The following CRYBG1 variants were observed in gnomAD, a reference collection of about 807,000 sequenced individuals.
CRYBG1 encodes crystallin beta-gamma domain containing 1, also known as beta/gamma crystallin domain-containing protein 1.
A neutral mutation model predicts 189.2 loss-of-function variants in CRYBG1; 139 were observed. The ratio of observed to expected loss-of-function variants is 0.73; its 90% confidence interval spans 0.64 to 0.85. The LOEUF (loss-of-function observed/expected upper bound fraction) is 0.85, where lower values mean the gene tolerates loss of function less well. Among genes scored for constraint, CRYBG1 ranks in the 40% least tolerant of loss-of-function variants. The pLI, the probability that CRYBG1 is intolerant of heterozygous loss-of-function variation, is 0.00. For missense variants in CRYBG1, 2,611 were observed against 2,675.8 expected (o/e 0.98, Z 0.53); for synonymous variants, 1,023 against 1,017.1 (o/e 1.01, Z -0.11).
intron 1 of CRYBG1, among the ~76,000 whole-genome samples, chr6:106,379,719 T>C (rs1419574069): frequency 6.6e-6 from 1 of 152,070 alleles, no homozygotes; most frequent in Non-Finnish European, 1.5e-5. Context: ...CCACCATGCC[T>C]GGCTACTTTT....
At chr6:106,456,234 A>T (rs1771885633) in intron 2 of CRYBG1, among the ~76,000 whole-genome samples, 2 of 152,026 alleles carry the variant, frequency 1.3e-5, no homozygotes, top group South Asian at 4.2e-4. Context: ...GCTTATTGCA[A>T]CCTCTGCCTC....
chr6:106,567,226 T>C (rs919235159), intron 21 of CRYBG1, among the ~76,000 whole-genome samples: 1 of 147,812 alleles, frequency 6.8e-6, no homozygotes, highest in African/African-American at 2.6e-5. Flanking sequence ...GAAATTTCAG[T>C]GGAGTATGCT....
chr6:106,405,413 C>T (rs1234718417), intron 1 of CRYBG1, among the ~76,000 whole-genome samples: 1 of 152,220 alleles, frequency 6.6e-6, no homozygotes, highest in African/African-American at 2.4e-5. Flanking sequence ...ACTCCCATCT[C>T]CCTGGGACAG....
rs1042646603 is a variant in CRYBG1 at position 106,382,500 on chromosome 6, A to C, written c.173+21419A>C. ...TCCTTCAGTGTCACCAGTTTTGTGA[A>C]AACTCCCTATTGCTTTCTAGGTAAA... is the stretch of plus-strand genomic sequence containing the variant. On this transcript the variant is annotated intron_variant, in intron 1 of 21. Transcript: ENST00000633556. Among the ~76,000 whole-genome samples the C allele has an allele frequency of 2.6e-5, 4 of 152,182 alleles. No individual in the cohort carries two copies. The South Asian group carries it at 8.3e-4, about 31-fold the overall frequency.
At chr6:106,518,975 G>GTGCA (rs1773508868) in intron 3 of CRYBG1, among the ~76,000 whole-genome samples, 156 bp from the exon 4 acceptor site, 13 of 134,288 alleles carry the variant, frequency 9.7e-5, no homozygotes, top group Non-Finnish European at 2.0e-4. Context: ...ACATGTGTGC[G>GTGCA]CACACACACA....
At chr6:106,562,188 C>T (rs568468733) in intron 20 of CRYBG1, among the ~76,000 whole-genome samples, 57 of 152,128 alleles carry the variant, frequency 3.7e-4, no homozygotes, top group African/African-American at 1.3e-3. Flanking sequence ...CACAGCCTTG[C>T]GAAAAGGAGT....
At chr6:106,450,748 A>G (rs1771767307) in intron 1 of CRYBG1, among the ~76,000 whole-genome samples, 1 of 152,228 alleles carries the variant, frequency 6.6e-6, no homozygotes, top group African/African-American at 2.4e-5. Flanking sequence ...CATCACATGC[A>G]GGCATGACAC....
At chr6:106,497,545 G>C (rs1772880269) in intron 2 of CRYBG1, among the ~76,000 whole-genome samples, 1 of 152,172 alleles carries the variant, frequency 6.6e-6, no homozygotes, top group African/African-American at 2.4e-5. Context: ...GTTCATCCCT[G>C]TTCATGTTTA....
At chr6:106,523,660 A>C (rs1017995325) in intron 4 of CRYBG1, among the ~76,000 whole-genome samples, 1 of 151,542 alleles carries the variant, frequency 6.6e-6, no homozygotes, top group Non-Finnish European at 1.5e-5. Flanking sequence ...ATCTACTTCT[A>C]ATGTGTATAT....
Position 106,519,499 on chromosome 6 carries a change from C to T in CRYBG1, c.2291C>T (p.Thr764Ile). The T allele has an allele frequency of 6.2e-7, 1 of 1,614,066 alleles. No homozygotes were observed. Among genetic ancestry groups the T allele is most frequent in the Non-Finnish European group, 8.5e-7 (1 of 1,180,020 alleles). Residue 764 changes from threonine to isoleucine, a missense_variant, in exon 4 of 22, where the codon ACC becomes ATC. Physicochemically the swap from Thr to Ile is moderately conservative, Grantham distance 89. Transcript: ENST00000633556. ...TCGGAAGAAGAGATTCTGCCAGCAA[C>T]CAGAGGAATGAATGGAGACTCTTCT... ...TVSEEEILPATRGMNGDSSEN... is the reference protein window; with the variant it reads ...TVSEEEILPAIRGMNGDSSEN...
intron 1 of CRYBG1, among the ~76,000 whole-genome samples, chr6:106,410,402 A>G (rs571772515): frequency 1.3e-5 from 2 of 152,356 alleles, no homozygotes; most frequent in South Asian, 4.1e-4. Context: ...GTGGAGAAAT[A>G]GGAACACTTT....
intron 1 of CRYBG1, among the ~76,000 whole-genome samples, chr6:106,396,469 T>C (rs1770612700): frequency 6.6e-6 from 1 of 152,162 alleles, no homozygotes; most frequent in African/African-American, 2.4e-5. Flanking sequence ...AATATGTAAT[T>C]TCATTTCCAG....
At chr6:106,517,447 TACACAC>T (rs373231557) in intron 3 of CRYBG1, among the ~76,000 whole-genome samples, 1 of 147,186 alleles carries the variant, frequency 6.8e-6, no homozygotes, top group African/African-American at 2.6e-5. Context: ...CACATATATA[TACACAC>T]ATATATATAT....
At chr6:106,460,573 A>T in intron 2 of CRYBG1, among the ~76,000 whole-genome samples, 1 of 151,774 alleles carries the variant, frequency 6.6e-6, no homozygotes, top group East Asian at 1.9e-4. Flanking sequence ...GAGGGGGAAA[A>T]ATTGTAATGA....
Position 106,519,336 on chromosome 6 carries a change from A to G in CRYBG1, c.2128A>G (p.Thr710Ala). 6.2e-7 allele frequency: 1 copy of G among 1,614,142 alleles called. No homozygotes were observed. Among genetic ancestry groups the G allele is most frequent in the Non-Finnish European group, 8.5e-7 (1 of 1,180,020 alleles). Reference sequence around the variant, plus strand: ...AAGGAATACTCCTGCCTCTAGTAAAACGTTTGTTGGGAGGGCAAAGCTGAA... The same window carrying G: ...AAGGAATACTCCTGCCTCTAGTAAAGCGTTTGTTGGGAGGGCAAAGCTGAA... ...GQRNTPASSK[T>A]FVGRAKLNLA... The change falls in exon 4 of 22, where the codon ACG (threonine) becomes GCG (alanine). Residue 710 changes from threonine to alanine, a missense_variant. Physicochemically the swap from Thr to Ala is moderately conservative, Grantham distance 58. Around this residue, in one of 3 missense-constraint regions of CRYBG1, gnomAD observed 1,622 missense variants for 1,735.0 expected, o/e 0.93. Transcript: ENST00000633556.
At chr6:106,456,287 A>G (rs952211791) in intron 2 of CRYBG1, among the ~76,000 whole-genome samples, 4 of 150,834 alleles carry the variant, frequency 2.7e-5, no homozygotes, top group African/African-American at 9.8e-5. Flanking sequence ...CCTACTAGCT[A>G]GGATAACAGA....
chr6:106,530,937 T>C (rs1021785335), intron 8 of CRYBG1, among the ~76,000 whole-genome samples: 4 of 152,254 alleles, frequency 2.6e-5, no homozygotes, highest in African/African-American at 9.6e-5. Flanking sequence ...AGCTTCTTTC[T>C]ATTTGATTAA....
intron 18 of CRYBG1, 60 bp from the exon 19 acceptor site, chr6:106,560,743 G>T (rs1774693395): frequency 6.4e-7 from 1 of 1,557,058 alleles, no homozygotes; most frequent in South Asian, 1.2e-5. Context: ...AAAAATAAAT[G>T]TAATTGGGGT....
At chr6:106,398,134 C>A (rs1316906049) in intron 1 of CRYBG1, among the ~76,000 whole-genome samples, 4 of 152,068 alleles carry the variant, frequency 2.6e-5, no homozygotes, top group African/African-American at 9.7e-5. Context: ...TAGATTGAAT[C>A]CTTGCCCGTC....
Sources: allele counts gnomAD v4.1 joint callset (sites outside exome capture counted in the v4.1 genomes callset), GRCh38; gene constraint gnomAD v4.1.1; regional missense constraint gnomAD v4.1.1; transcripts MANE v1.5; gene names NCBI Gene and HGNC (gene_info 2026-07-23, HGNC 2026-07-21).